The following OPTC variants were observed in gnomAD, a reference collection of about 807,000 sequenced individuals.
OPTC encodes the protein oculoglycan.
A neutral mutation model predicts 25.4 loss-of-function variants in OPTC; 22 were observed. That is an observed-to-expected ratio of 0.87 (90% CI 0.62 to 1.24). The LOEUF (loss-of-function observed/expected upper bound fraction) is 1.24, where lower values mean the gene tolerates loss of function less well. Ranked by LOEUF, OPTC falls within the 50% of genes most tolerant of loss-of-function variation. The pLI is 0.00. For synonymous variants in OPTC, 169 were observed against 179.3 expected (o/e 0.94, Z 0.46); for missense variants, 417 against 425.2 (o/e 0.98, Z 0.17).
chr1:203,506,885 A>C (rs144204776), intron 7 of OPTC, among the ~76,000 whole-genome samples: 1 of 152,346 alleles, frequency 6.6e-6, no homozygotes, highest in African/African-American at 2.4e-5. Flanking sequence ...GTTCCAATTA[A>C]AGGAGGCCAG....
rs1276128276 is a variant in OPTC, at chr1:203,497,004, A to G, written c.259A>G (p.Thr87Ala). 1.2e-6 allele frequency: 2 copies of G among 1,613,974 alleles called. No individual in the cohort carries two copies. The highest frequency in any genetic ancestry group is 1.3e-5 in the African/African-American group (1 of 74,898). Residue 87 changes from threonine (T) to alanine (A), a missense_variant, in exon 3 of 8, where the codon ACC (threonine) becomes GCC (alanine). Thr to Ala is a moderately conservative substitution (Grantham distance 58). Transcript: ENST00000367222. Reference sequence around the variant, plus strand: ...TAAGGTGACTAGCCTCGCTCCTGCAACCAGCATCAGTCCCGCCAAGAGCAC... The same window carrying G: ...TAAGGTGACTAGCCTCGCTCCTGCAGCCAGCATCAGTCCCGCCAAGAGCAC... ...EVKVTSLAPATSISPAKSTTA... is the reference protein window; with the variant it reads ...EVKVTSLAPAASISPAKSTTA...
rs2306152 is a variant in OPTC, at chr1:203,497,221, G to A, written c.370+106G>A. Reference sequence around the variant, plus strand: ...TGGAACGTGGTTGGGGTTGGGGCATGGAGGGTCAGGGCTACCCTTACTAGC... The same window carrying A: ...TGGAACGTGGTTGGGGTTGGGGCATAGAGGGTCAGGGCTACCCTTACTAGC... On this transcript the variant is annotated intron_variant, in intron 3 of 7. Coordinates refer to ENST00000367222, the MANE Select transcript of OPTC (RefSeq NM_014359.4). The A allele has an allele frequency of 0.061, 72,663 of 1,196,120 alleles. 3,243 individuals are homozygous for A. The highest frequency in any genetic ancestry group is 0.21 in the African/African-American group (13,901 of 66,670). 74.1% of individuals were successfully genotyped at this position (1,196,120 alleles called of 1,614,324 possible).
rs1661545924 is a variant in OPTC, at chr1:203,508,826, C to A, written c.*206C>A. 6.6e-6 allele frequency: 1 copy of A among 152,246 alleles called. No homozygotes were observed. The allele number at this position is 152,246 out of a possible 1,614,324, so 9.4% of individuals were successfully genotyped here. On this transcript the variant is annotated 3_prime_UTR_variant, in exon 8 of 8. Coordinates refer to ENST00000367222, the MANE Select transcript of OPTC (RefSeq NM_014359.4). The stretch of plus-strand genomic sequence containing the variant: ...GGTGACAAAGAAGCCCAAGGACCAC[C>A]TCCTTCCTGCCTCATTGTAATAAAA...
intron 5 of OPTC, among the ~76,000 whole-genome samples, chr1:203,502,066 C>A (rs547720998): frequency 6.6e-6 from 1 of 152,172 alleles, no homozygotes; most frequent in African/African-American, 2.4e-5. Context: ...ATAATACCTG[C>A]TTGACACAGC....
In OPTC at chr1:203,503,639, G is replaced by T; in HGVS notation, c.918G>T (p.Leu306=). 6.2e-7 allele frequency: 1 copy of T among 1,613,534 alleles called. No homozygotes were observed. Among genetic ancestry groups the T allele is most frequent in the Non-Finnish European group, 8.5e-7 (1 of 1,180,020 alleles). Residue 306 remains leucine, a synonymous_variant, in exon 7 of 8, where the codon CTG becomes CTT. Transcript: ENST00000367222. ...GCAGGCAGCTGGAAGACATCCGCCT[G>T]GATGGCAACCCCATCAACCTCAGCC... ...HTRRQLEDIR[L]DGNPINLSLF...
chr1:203,497,396 C>T (rs1180462718), intron 3 of OPTC, among the ~76,000 whole-genome samples: 2 of 152,202 alleles, frequency 1.3e-5, no homozygotes, highest in Non-Finnish European at 2.9e-5. Context: ...CAAAGCCACC[C>T]TGCCTTAATT....
At position 203,498,575 on chromosome 1, in the gene OPTC, A is replaced by G. The variant is rs1251830339; in HGVS notation, c.371-106A>G. On this transcript the variant is annotated intron_variant, in intron 3 of 7. Transcript: ENST00000367222. The stretch of plus-strand genomic sequence containing the variant: ...AGTTCTGGGCAGCAACCCATAGGCT[A>G]TCAAAAAGGCACAGATGGCCATGGT... 20 of 1,392,468 alleles carry G rather than the reference A, an allele frequency of 1.4e-5. 1 individual carries two copies. Among genetic ancestry groups the G allele is most frequent in the South Asian group, 1.0e-4 (9 of 86,218 alleles). The allele number at this position is 1,392,468 out of a possible 1,614,324, so 86.3% of individuals were successfully genotyped here. A position where few individuals can be genotyped will look rare whatever the true frequency, so the allele number is the denominator to read the frequency against.
intron 7 of OPTC, among the ~76,000 whole-genome samples, chr1:203,508,035 T>C (rs370153185): frequency 1.2e-4 from 18 of 152,198 alleles, no homozygotes; most frequent in East Asian, 3.9e-4. Flanking sequence ...AGGAAGGAAT[T>C]ATTATCCCTG....
chr1:203,494,950 G>A (rs1038552383), intron 1 of OPTC, among the ~76,000 whole-genome samples: 6 of 152,108 alleles, frequency 3.9e-5, no homozygotes, highest in South Asian at 2.1e-4. Flanking sequence ...TTCCAGATGC[G>A]TACACACTCA....
chr1:203,506,146 T>TC, intron 7 of OPTC, among the ~76,000 whole-genome samples: 1 of 92,380 alleles, frequency 1.1e-5, no homozygotes, highest in South Asian at 3.1e-4. Context: ...TCCAATTTTC[T>TC]TTTTTCTTTT....
chr1:203,503,715 A>G lies in OPTC; in HGVS notation c.994A>G (p.Thr332Ala), dbSNP rs1571601448. 1 of 1,605,276 alleles carries G rather than the reference A, an allele frequency of 6.2e-7. No homozygotes were observed. The highest frequency in any genetic ancestry group is 2.2e-5 in the East Asian group (1 of 44,874). ...GCCTCGGCTCCCCATCGGCCGCTTC[A>G]CGTAGCTCGGAGCCCTTCCACTCCT... Reference protein sequence around the residue: ...CLPRLPIGRFT With the variant: ...CLPRLPIGRFA Residue 332 changes from threonine (T) to alanine (A), a missense_variant, in exon 7 of 8, where the codon ACG becomes GCG. Coordinates refer to ENST00000367222, the MANE Select transcript of OPTC (RefSeq NM_014359.4).
Position 203,503,419 on chromosome 1 carries a change from C to T in OPTC, c.829-131C>T, listed in dbSNP as rs1661423353. The T allele has an allele frequency of 4.4e-6, 4 of 903,098 alleles. No individual in the cohort carries two copies. In the African/African-American group the frequency reaches 6.5e-5, roughly 15 times the overall value. The allele number at this position is 903,098 out of a possible 1,614,324, so 55.9% of individuals were successfully genotyped here. On this transcript the variant is annotated intron_variant, in intron 6 of 7. Coordinates refer to ENST00000367222, the MANE Select transcript of OPTC (RefSeq NM_014359.4). The stretch of plus-strand genomic sequence containing the variant: ...TCTCACCCTTGTTGTGTGGCTTTGG[C>T]CCTAGATGCTTCAGTTTCTCCAGTT...
At position 203,495,958 on chromosome 1, in the gene OPTC, T is replaced by G. The variant is rs765708729; in HGVS notation, c.-41-7T>G. The G allele has an allele frequency of 2.0e-5, 28 of 1,388,842 alleles. No homozygotes were observed. In the Middle Eastern group the frequency reaches 1.8e-3, roughly 88 times the overall value. The allele number at this position is 1,388,842 out of a possible 1,614,324, so 86.0% of individuals were successfully genotyped here. On this transcript the variant is annotated splice_region_variant and splice_polypyrimidine_tract_variant and intron_variant, in intron 1 of 7. Transcript: ENST00000367222. Reference sequence around the variant, plus strand: ...GATCGCTGCCCTTCCTCGTGCCCACTTGCCAGGACCAGCCGCTGAAGGGAT... The same window carrying G: ...GATCGCTGCCCTTCCTCGTGCCCACGTGCCAGGACCAGCCGCTGAAGGGAT...
At chr1:203,502,747 G>C (rs1370771065) in intron 5 of OPTC, among the ~76,000 whole-genome samples, 167 bp from the exon 6 acceptor site, 2 of 152,174 alleles carry the variant, frequency 1.3e-5, no homozygotes, top group Admixed American at 6.5e-5. Context: ...GATCCTTAAA[G>C]ACCTGGGCAA....
At chr1:203,506,754 G>C (rs1246276986) in intron 7 of OPTC, among the ~76,000 whole-genome samples, 1 of 152,226 alleles carries the variant, frequency 6.6e-6, no homozygotes, top group East Asian at 1.9e-4. Flanking sequence ...GCTTCTGAAA[G>C]GGGAGAGGCC....
intron 5 of OPTC, among the ~76,000 whole-genome samples, chr1:203,501,042 C>G (rs181486933): frequency 2.6e-5 from 4 of 152,294 alleles, no homozygotes; most frequent in African/African-American, 4.8e-5. Flanking sequence ...TTTCCAAAAC[C>G]CTTCAGTAAG....
rs1661426550 is a variant in OPTC at position 203,503,584 on chromosome 1, T to C, written c.863T>C (p.Phe288Ser). 1 of 1,613,586 alleles carries C rather than the reference T, an allele frequency of 6.2e-7. No homozygotes were observed. Among genetic ancestry groups the C allele is most frequent in the Admixed American group, 1.7e-5 (1 of 60,004 alleles). The change falls in exon 7 of 8, where the codon TTC becomes TCC. Residue 288 changes from phenylalanine (F) to serine (S), a missense_variant. Transcript: ENST00000367222. ...NLIETMQRDVFCDPEEHKHTR... is the reference protein window; with the variant it reads ...NLIETMQRDVSCDPEEHKHTR... Reference sequence around the variant, plus strand: ...ATAGAGACCATGCAGAGAGACGTCTTCTGTGACCCCGAGGAGCACAAACAC... The same window carrying C: ...ATAGAGACCATGCAGAGAGACGTCTCCTGTGACCCCGAGGAGCACAAACAC...
At chr1:203,501,561 A>G (rs1330603029) in intron 5 of OPTC, among the ~76,000 whole-genome samples, 1 of 152,174 alleles carries the variant, frequency 6.6e-6, no homozygotes, top group African/African-American at 2.4e-5. Flanking sequence ...TCTGTCTCTC[A>G]AGTAGTAGAA....
In OPTC at chr1:203,497,006, C is replaced by A. The variant is rs764075452; in HGVS notation, c.261C>A (p.Thr87=). 3.7e-6 allele frequency: 6 copies of A among 1,613,978 alleles called. No homozygotes were observed. Among genetic ancestry groups the A allele is most frequent in the South Asian group, 2.2e-5 (2 of 91,084 alleles). ...AGGTGACTAGCCTCGCTCCTGCAAC[C>A]AGCATCAGTCCCGCCAAGAGCACTA... The part of the protein sequence containing the change: ...EVKVTSLAPA[T]SISPAKSTTA... Residue 87 remains threonine, a synonymous_variant, in exon 3 of 8, where the codon ACC becomes ACA. Coordinates refer to ENST00000367222, the MANE Select transcript of OPTC (RefSeq NM_014359.4).
Sources: allele counts gnomAD v4.1 joint callset (sites outside exome capture counted in the v4.1 genomes callset), GRCh38; gene constraint gnomAD v4.1.1; transcripts MANE v1.5; gene names NCBI Gene and HGNC (gene_info 2026-07-23, HGNC 2026-07-21).